CCDC73: variants seen among roughly 807,000 people sequenced by gnomAD.
CCDC73 encodes the protein coiled-coil domain-containing protein 73.
A neutral mutation model predicts 116.5 loss-of-function variants in CCDC73; 95 were observed. That is an observed-to-expected ratio of 0.82 (90% CI 0.69 to 0.97). The LOEUF is 0.97. Ranked by LOEUF, CCDC73 falls within the 50% of genes least tolerant of loss-of-function variation. The pLI is 0.00. For synonymous variants in CCDC73, 398 were observed against 401.3 expected (o/e 0.99, Z 0.10); for missense variants, 1,066 against 1,206.8 (o/e 0.88, Z 1.73).
upstream of CCDC73, among the ~76,000 whole-genome samples, chr11:32,799,125 T>G (rs1188968977): frequency 2.0e-5 from 3 of 149,272 alleles, no homozygotes; most frequent in African/African-American, 4.9e-5. Context: ...AGAGTTTCAC[T>G]CTGTCACCCA....
intron 14 of CCDC73, among the ~76,000 whole-genome samples, chr11:32,619,609 G>A (rs1328674748): frequency 6.6e-6 from 1 of 152,032 alleles, no homozygotes; most frequent in African/African-American, 2.4e-5. Context: ...GGAGTTTGAG[G>A]CTGCAGTGAG....
the CCDC73 span, among the ~76,000 whole-genome samples, chr11:32,826,411 C>T: frequency 6.6e-6 from 1 of 152,146 alleles, no homozygotes; most frequent in South Asian, 2.1e-4. Context: ...TTCATGGCTG[C>T]AATCTTAACA....
chr11:32,815,338 C>CTT, the CCDC73 span, among the ~76,000 whole-genome samples: 742 of 140,742 alleles, frequency 5.3e-3, 9 homozygotes, highest in African/African-American at 0.018. Flanking sequence ...ATTATTTTTG[C>CTT]TTTTTTTTTT....
chr11:32,775,837 C>T (rs993381237), intron 1 of CCDC73, among the ~76,000 whole-genome samples: 8 of 152,148 alleles, frequency 5.3e-5, no homozygotes, highest in African/African-American at 1.9e-4. Flanking sequence ...TATCACACAA[C>T]TGCCATGTGA....
At chr11:32,733,672 G>A (rs1209785564) in intron 2 of CCDC73, among the ~76,000 whole-genome samples, 5 of 152,228 alleles carry the variant, frequency 3.3e-5, no homozygotes, top group Admixed American at 6.5e-5. Context: ...AATGACTACC[G>A]GGTCCATAAC....
chr11:32,616,949 G>C (rs1331054221), intron 14 of CCDC73, among the ~76,000 whole-genome samples: 1 of 152,150 alleles, frequency 6.6e-6, no homozygotes, highest in Non-Finnish European at 1.5e-5. Context: ...CTTGGAGAAG[G>C]TGTTAGCTAA....
chr11:32,801,857 G>A, the CCDC73 span, among the ~76,000 whole-genome samples: 1 of 152,096 alleles, frequency 6.6e-6, no homozygotes, highest in Non-Finnish European at 1.5e-5. Flanking sequence ...GGTCTCAGCT[G>A]GAAATACAAA....
chr11:32,740,851 C>A (rs1307015122), intron 2 of CCDC73, among the ~76,000 whole-genome samples: 1 of 151,836 alleles, frequency 6.6e-6, no homozygotes, highest in African/African-American at 2.4e-5. Context: ...TGCTGTATCC[C>A]ATAGGTTTTG....
chr11:32,708,792 C>A (rs1419781411), intron 3 of CCDC73, among the ~76,000 whole-genome samples: 1 of 152,124 alleles, frequency 6.6e-6, no homozygotes, highest in Non-Finnish European at 1.5e-5. Context: ...ATTGATTTGC[C>A]AGTTCTAGGA....
chr11:32,793,849 G>A (rs1850698729), intron 1 of CCDC73, among the ~76,000 whole-genome samples: 1 of 152,034 alleles, frequency 6.6e-6, no homozygotes, highest in Non-Finnish European at 1.5e-5. Flanking sequence ...GACCTCAGGT[G>A]ATCCGCCCGC....
intron 2 of CCDC73, among the ~76,000 whole-genome samples, chr11:32,748,583 G>GT (rs1299307352): frequency 1.3e-5 from 2 of 152,070 alleles, no homozygotes; most frequent in African/African-American, 4.8e-5. Flanking sequence ...GATATAAGTA[G>GT]TTTACACATC....
At chr11:32,729,449 T>C (rs74805381) in intron 2 of CCDC73, among the ~76,000 whole-genome samples, 11,302 of 152,286 alleles carry the variant, frequency 0.074, 472 homozygotes, top group South Asian at 0.11. Flanking sequence ...ATTCCATGTC[T>C]TTGCTATTGT....
chr11:32,699,357 C>T, intron 5 of CCDC73, 32 bp from the exon 6 acceptor site: 2 of 1,498,238 alleles, frequency 1.3e-6, no homozygotes, highest in African/African-American at 1.4e-5. Context: ...TCAATACTTT[C>T]CAATGTAAAT....
chr11:32,712,915 C>T (rs1849914833), intron 3 of CCDC73, among the ~76,000 whole-genome samples: 1 of 151,988 alleles, frequency 6.6e-6, no homozygotes, highest in African/African-American at 2.4e-5. Flanking sequence ...ACCAAACTTT[C>T]TTTCAAGAAA....
intron 14 of CCDC73, among the ~76,000 whole-genome samples, chr11:32,618,850 C>T (rs1034824503): frequency 3.3e-5 from 5 of 152,034 alleles, no homozygotes; most frequent in African/African-American, 4.8e-5. Context: ...CCGTGCCCAG[C>T]CTCTTCTTTT....
At chr11:32,729,024 CAACTTT>C (rs1335780548) in intron 2 of CCDC73, among the ~76,000 whole-genome samples, 1 of 144,700 alleles carries the variant, frequency 6.9e-6, no homozygotes, top group African/African-American at 2.5e-5. Context: ...TTTTTTTTTT[CAACTTT>C]AAGTGCCAGG....
Position 32,602,722 on chromosome 11 carries a change from A to C in CCDC73, c.*89T>G. ...TTGGAAAAGCAAAGACAAACTGTAG[A>C]GCTTTAAATACAACAGTCATTTTAT... On this transcript the variant is annotated 3_prime_UTR_variant, in exon 18 of 18. Transcript: ENST00000335185. 9.6e-7 allele frequency: 1 copy of C among 1,040,978 alleles called. No individual in the cohort carries two copies. Among genetic ancestry groups the C allele is most frequent in the Non-Finnish European group, 1.4e-6 (1 of 730,396 alleles). 64.5% of individuals were successfully genotyped at this position (1,040,978 alleles called of 1,614,324 possible). A position where few individuals can be genotyped will look rare whatever the true frequency, so the allele number is the denominator to read the frequency against.
At chr11:32,761,710 G>T (rs12792258) in intron 1 of CCDC73, among the ~76,000 whole-genome samples, 11,291 of 152,092 alleles carry the variant, frequency 0.074, 474 homozygotes, top group South Asian at 0.11. Context: ...ATATGGGGGG[G>T]TGTATGTATA....
intron 13 of CCDC73, 106 bp from the exon 14 acceptor site, chr11:32,635,936 A>G (rs1441988851): frequency 1.4e-6 from 1 of 725,538 alleles, no homozygotes; most frequent in Non-Finnish European, 1.8e-6. Context: ...TCAAAGAATC[A>G]AAACAATCAC....
Sources: allele counts gnomAD v4.1 joint callset (sites outside exome capture counted in the v4.1 genomes callset), GRCh38; gene constraint gnomAD v4.1.1; transcripts MANE v1.5; gene names NCBI Gene and HGNC (gene_info 2026-07-23, HGNC 2026-07-21).